The following RUNX1 variants were observed in gnomAD, a reference collection of about 807,000 sequenced individuals.
RUNX1 encodes RUNX family transcription factor 1.
A neutral mutation model predicts 42.8 loss-of-function variants in RUNX1; 19 were observed. That is an observed-to-expected ratio of 0.44 (90% confidence interval 0.31 to 0.65). RUNX1 has a LOEUF of 0.65. RUNX1 is among the 30% of genes least tolerant of loss of function. The probability of loss-of-function intolerance (pLI) is 0.07; values close to 1 mark genes in which losing one functional copy is unlikely to be tolerated. For missense variants in RUNX1, 528 were observed against 672.0 expected (o/e 0.79, Z 2.37); for synonymous variants, 271 against 289.4 (o/e 0.94, Z 0.64).
intron 6 of RUNX1, among the ~76,000 whole-genome samples, chr21:34,854,644 C>A (rs1292521194): frequency 6.6e-6 from 1 of 152,034 alleles, no homozygotes; most frequent in Non-Finnish European, 1.5e-5. Flanking sequence ...TACTCCCTAG[C>A]TGCCCTCTAA....
At chr21:34,934,115 T>A (rs894141423) in intron 2 of RUNX1, among the ~76,000 whole-genome samples, 29 of 152,206 alleles carry the variant, frequency 1.9e-4, no homozygotes, top group Admixed American at 1.8e-3. Flanking sequence ...CTTTTCTGTG[T>A]ATGTCCTGAG....
At chr21:34,930,994 C>A (rs1365448779) in intron 2 of RUNX1, among the ~76,000 whole-genome samples, 1 of 152,088 alleles carries the variant, frequency 6.6e-6, no homozygotes, top group Non-Finnish European at 1.5e-5. Flanking sequence ...ACAGAGCTGG[C>A]TAGAATTGGC....
At chr21:34,793,576 T>C (rs374698943) in intron 8 of RUNX1, among the ~76,000 whole-genome samples, 2 of 152,326 alleles carry the variant, frequency 1.3e-5, no homozygotes, top group South Asian at 4.1e-4. Flanking sequence ...CAAACTTCAG[T>C]GTCCATCCAT....
chr21:34,969,918 C>A (rs2146743280), intron 2 of RUNX1, among the ~76,000 whole-genome samples: 1 of 152,286 alleles, frequency 6.6e-6, no homozygotes, highest in Non-Finnish European at 1.5e-5. Flanking sequence ...GGATACAGAA[C>A]ATTTTACAAG....
At chr21:34,936,686 C>T (rs2058488171) in intron 2 of RUNX1, among the ~76,000 whole-genome samples, 1 of 152,162 alleles carries the variant, frequency 6.6e-6, no homozygotes, top group Non-Finnish European at 1.5e-5. Context: ...GAACGCTTAG[C>T]AGGATCCTGG....
At chr21:34,973,982 C>T (rs979679917) in intron 2 of RUNX1, among the ~76,000 whole-genome samples, 4 of 152,142 alleles carry the variant, frequency 2.6e-5, no homozygotes, top group African/African-American at 7.2e-5. Flanking sequence ...TCTGATGAAT[C>T]GGAATTTTGG....
chr21:34,882,338 A>T (rs1256935162), intron 4 of RUNX1, among the ~76,000 whole-genome samples: 1 of 152,160 alleles, frequency 6.6e-6, no homozygotes, highest in Non-Finnish European at 1.5e-5. Context: ...GAACTAACTC[A>T]CTATGAGAGA....
intron 5 of RUNX1, among the ~76,000 whole-genome samples, chr21:34,873,755 G>C (rs1044108144): frequency 5.9e-5 from 9 of 152,212 alleles, no homozygotes; most frequent in Non-Finnish European, 1.0e-4. Flanking sequence ...TCCCAAATCA[G>C]TGCAGTGCAA....
chr21:34,891,653 T>C (rs1178384181), intron 3 of RUNX1, among the ~76,000 whole-genome samples: 1 of 151,790 alleles, frequency 6.6e-6, no homozygotes, highest in African/African-American at 2.4e-5. Context: ...CCAGGTTCAT[T>C]CCCAGTGTTT....
chr21:35,010,628 C>CAT (rs2059119540), intron 2 of RUNX1, among the ~76,000 whole-genome samples: 1 of 126,544 alleles, frequency 7.9e-6, no homozygotes, highest in Non-Finnish European at 1.6e-5. Flanking sequence ...CACACACGCA[C>CAT]ACACACACAC....
intron 2 of RUNX1, among the ~76,000 whole-genome samples, chr21:35,032,682 C>G (rs916145920): frequency 6.6e-6 from 1 of 152,226 alleles, no homozygotes; most frequent in African/African-American, 2.4e-5. Flanking sequence ...CAAGGGACAC[C>G]TACATGACTT....
chr21:35,010,071 A>C (rs1202349033), intron 2 of RUNX1, among the ~76,000 whole-genome samples: 3 of 152,186 alleles, frequency 2.0e-5, no homozygotes, highest in Admixed American at 6.5e-5. Context: ...CCTAGGTTAG[A>C]ACTGTTCAGA....
At chr21:34,889,288 T>G (rs2058046209) in intron 3 of RUNX1, among the ~76,000 whole-genome samples, 1 of 152,072 alleles carries the variant, frequency 6.6e-6, no homozygotes, top group African/African-American at 2.4e-5. Flanking sequence ...GGCTGGCAGC[T>G]GCGGCGAAGC....
At chr21:34,802,323 G>C (rs544086720) in intron 7 of RUNX1, among the ~76,000 whole-genome samples, 1 of 152,268 alleles carries the variant, frequency 6.6e-6, no homozygotes, top group South Asian at 2.1e-4. Context: ...AGTGTGCCAG[G>C]AATGTGCTAA....
intron 2 of RUNX1, among the ~76,000 whole-genome samples, chr21:34,908,329 T>C (rs571597392): frequency 6.6e-6 from 1 of 152,210 alleles, no homozygotes; most frequent in African/African-American, 2.4e-5. Flanking sequence ...AAGGTATTTT[T>C]AAATTGTATT....
At chr21:34,949,711 T>C (rs532129551) in intron 2 of RUNX1, among the ~76,000 whole-genome samples, 5 of 152,340 alleles carry the variant, frequency 3.3e-5, no homozygotes, top group African/African-American at 1.2e-4. Context: ...AAGATTGCCG[T>C]CCTGTCACAG....
chr21:34,834,337 G>A (rs1601415254), intron 7 of RUNX1, 73 bp downstream of exon 7: 1 of 1,481,024 alleles, frequency 6.8e-7, no homozygotes. Flanking sequence ...GAAGGTGTGT[G>A]CACATGGGGG....
chr21:35,036,959 GT>G (rs2059312910), intron 2 of RUNX1, among the ~76,000 whole-genome samples: 1 of 152,160 alleles, frequency 6.6e-6, no homozygotes, highest in African/African-American at 2.4e-5. Flanking sequence ...TGATTGCTGG[GT>G]ACATCACTCT....
chr21:34,875,651 A>G (rs547629011), intron 5 of RUNX1, among the ~76,000 whole-genome samples: 1 of 152,328 alleles, frequency 6.6e-6, no homozygotes, highest in Admixed American at 6.5e-5. Flanking sequence ...TTCTTCTATT[A>G]TATGAATCTG....
Sources: gnomAD v4.1 joint callset for allele counts (sites outside exome capture counted in the v4.1 genomes callset) on GRCh38, gnomAD v4.1.1 for gene constraint, MANE v1.5 for transcripts, NCBI Gene and HGNC (gene_info 2026-07-23, HGNC 2026-07-21) for gene names.